The following SCG3 variants were observed in gnomAD, a reference collection of about 807,000 sequenced individuals.
SCG3 encodes secretogranin III, also known as secretogranin-3.
In SCG3, 38 loss-of-function variants were observed where a neutral mutation model predicts 56.2. The observed-to-expected ratio is 0.68, with a 90% CI of 0.52 to 0.89. The LOEUF is 0.89. Ranked by LOEUF, SCG3 falls within the 40% of genes least tolerant of loss-of-function variation. The pLI, the probability that SCG3 is intolerant of heterozygous loss-of-function variation, is 0.00. For synonymous variants in SCG3, 176 were observed against 184.2 expected, an observed-to-expected ratio of 0.96 and a Z score of 0.36; for missense variants, 524 against 540.7, an observed-to-expected ratio of 0.97 and a Z score of 0.31.
At chr15:51,695,206 C>T (rs897326318) in intron 7 of SCG3, among the ~76,000 whole-genome samples, 16 of 152,198 alleles carry the variant, frequency 1.1e-4, no homozygotes, top group African/African-American at 3.1e-4. Flanking sequence ...TTAAAAGTAA[C>T]ATCTTGTTCA....
At chr15:51,698,126 A>T (rs1262821549) in intron 8 of SCG3, among the ~76,000 whole-genome samples, 1 of 152,236 alleles carries the variant, frequency 6.6e-6, no homozygotes, top group Non-Finnish European at 1.5e-5. Flanking sequence ...GAATATATTA[A>T]TTATCTTCTT....
chr15:51,697,132 C>CTGTGTGTGTGTGTG (rs3078107), intron 8 of SCG3, among the ~76,000 whole-genome samples: 2,563 of 145,952 alleles, frequency 0.018, 40 homozygotes, highest in African/African-American at 0.032. Flanking sequence ...AGATGTTATT[C>CTGTGTGTGTGTGTG]TGTGTGTGTG....
Position 51,713,378 on chromosome 15 carries a change from G to T in SCG3, c.1253G>T (p.Trp418Leu). The T allele has an allele frequency of 6.2e-7, 1 of 1,606,278 alleles. No homozygotes were observed. The highest frequency in any genetic ancestry group is 1.1e-5 in the South Asian group (1 of 89,382). The change falls in exon 11 of 12, where the codon TGG becomes TTG. Residue 418 changes from tryptophan to leucine, a missense_variant. Coordinates refer to ENST00000220478, the MANE Select transcript of SCG3 (RefSeq NM_013243.4). ...YLEAIRKNIEWLKKHDKKGNK... is the reference protein window; with the variant it reads ...YLEAIRKNIELLKKHDKKGNK... ...GAAGCCATCAGAAAAAATATTGAAT[G>T]GTTGAAGAAACATGACAAAAAGGGA...
At chr15:51,701,893 C>T (rs1000912246) in intron 10 of SCG3, among the ~76,000 whole-genome samples, 13 of 152,048 alleles carry the variant, frequency 8.5e-5, no homozygotes, top group African/African-American at 2.4e-5. Flanking sequence ...AATGAAAACA[C>T]TTGGACACAG....
intron 10 of SCG3, among the ~76,000 whole-genome samples, chr15:51,704,236 C>CATATATATATAT (rs1338699360): frequency 5.5e-5 from 3 of 54,306 alleles, no homozygotes; most frequent in African/African-American, 1.1e-4. Context: ...TGTATACATA[C>CATATATATATAT]ATACATACAT....
At chr15:51,682,419 C>T in intron 1 of SCG3, 98 bp from the exon 2 acceptor site, 1 of 588,326 alleles carries the variant, frequency 1.7e-6, no homozygotes, top group Non-Finnish European at 3.0e-6. Context: ...AATTATTTCT[C>T]CTAATATTTT....
At chr15:51,714,166 G>A (rs1595842062) in intron 11 of SCG3, among the ~76,000 whole-genome samples, 1 of 152,196 alleles carries the variant, frequency 6.6e-6, no homozygotes, top group African/African-American at 2.4e-5. Context: ...AACAGTGGAT[G>A]TTTGTGGAGA....
intron 10 of SCG3, among the ~76,000 whole-genome samples, chr15:51,704,768 T>C (rs113419795): frequency 1.3e-4 from 10 of 79,532 alleles, no homozygotes; most frequent in Admixed American, 2.9e-4. Flanking sequence ...GTAATACATA[T>C]ATATATATAT....
chr15:51,694,132 T>C (rs932634536), intron 7 of SCG3, among the ~76,000 whole-genome samples: 1 of 151,758 alleles, frequency 6.6e-6, no homozygotes, highest in East Asian at 1.9e-4. Context: ...ATTGTCTTTA[T>C]TTTTCCATAA....
chr15:51,696,003 T>G lies in SCG3; in HGVS notation c.985+12T>G. The G allele has an allele frequency of 1.4e-6, 2 of 1,451,180 alleles. No individual in the cohort carries two copies. The highest frequency in any genetic ancestry group is 1.9e-6 in the Non-Finnish European group (2 of 1,032,954). 89.9% of individuals were successfully genotyped at this position (1,451,180 alleles called of 1,614,324 possible). A position where few individuals can be genotyped will look rare whatever the true frequency, so the allele number is the denominator to read the frequency against. On this transcript the variant is annotated intron_variant, in intron 8 of 11. Coordinates refer to ENST00000220478, the MANE Select transcript of SCG3 (RefSeq NM_013243.4). Reference sequence around the variant, plus strand: ...TGTTTCCTACCTTGGTGAGATTCTATGTGTTTTGTTTCTACTGTGGTGGTT... The same window carrying G: ...TGTTTCCTACCTTGGTGAGATTCTAGGTGTTTTGTTTCTACTGTGGTGGTT...
At chr15:51,716,536 G>A (rs1455378381) in intron 11 of SCG3, among the ~76,000 whole-genome samples, 1 of 152,182 alleles carries the variant, frequency 6.6e-6, no homozygotes, top group African/African-American at 2.4e-5. Context: ...ACCACTACCT[G>A]AGCAAGTAAC....
Position 51,683,289 on chromosome 15 carries a change from G to A in SCG3, c.252G>A (p.Lys84=). 6.2e-7 allele frequency: 1 copy of A among 1,613,702 alleles called. No homozygotes were observed. Among genetic ancestry groups the A allele is most frequent in the Non-Finnish European group, 8.5e-7 (1 of 1,179,802 alleles). The change falls in exon 4 of 12, where the codon AAG becomes AAA. Residue 84 remains lysine, a synonymous_variant. Transcript: ENST00000220478. ...ACCTGCTAAAGGCAATAACAGAAAAGGAAAAAATTGAGAAAGAAAGACAAT... is the reference window on the plus strand; with the variant it reads ...ACCTGCTAAAGGCAATAACAGAAAAAGAAAAAATTGAGAAAGAAAGACAAT... ...NLNLLKAITE[K]EKIEKERQSI... is the part of the protein sequence containing the mutation.
Position 51,719,662 on chromosome 15 carries a change from T to A in SCG3, c.*136T>A. On this transcript the variant is annotated 3_prime_UTR_variant, in exon 12 of 12. Coordinates refer to ENST00000220478, the MANE Select transcript of SCG3 (RefSeq NM_013243.4). The stretch of plus-strand genomic sequence containing the variant: ...GCTGAATTTACAGTAGTTAACCTTT[T>A]ACAAGTGGTTAAAACATAGCTTTCT... 1 of 598,578 alleles carries A rather than the reference T, an allele frequency of 1.7e-6. No homozygotes were observed. Among genetic ancestry groups the A allele is most frequent in the South Asian group, 2.2e-5 (1 of 44,820 alleles). 37.1% of individuals were successfully genotyped at this position (598,578 alleles called of 1,614,324 possible).
At chr15:51,714,895 C>T (rs1312167337) in intron 11 of SCG3, among the ~76,000 whole-genome samples, 4 of 152,298 alleles carry the variant, frequency 2.6e-5, no homozygotes, top group African/African-American at 9.6e-5. Flanking sequence ...CATATTTCAT[C>T]GAATCTGTCA....
chr15:51,688,468 T>C, intron 5 of SCG3, 66 bp downstream of exon 5: 1 of 1,484,228 alleles, frequency 6.7e-7, no homozygotes, highest in Non-Finnish European at 9.2e-7. Flanking sequence ...AGAAGCCAAG[T>C]CACTTGCCTC....
At chr15:51,692,799 T>C (rs2055276148) in intron 7 of SCG3, among the ~76,000 whole-genome samples, 1 of 152,230 alleles carries the variant, frequency 6.6e-6, no homozygotes, top group African/African-American at 2.4e-5. Context: ...CATTTATACA[T>C]TGTGAAATGA....
intron 8 of SCG3, among the ~76,000 whole-genome samples, chr15:51,696,979 T>C (rs1035403451): frequency 2.0e-5 from 3 of 152,196 alleles, no homozygotes; most frequent in Non-Finnish European, 4.4e-5. Flanking sequence ...TTTTTCTAAA[T>C]GAAAGTAGTT....
chr15:51,690,524 C>CT lies in SCG3; in HGVS notation c.690+1168dup, dbSNP rs899128471. On this transcript the variant is annotated intron_variant, in intron 6 of 11. Transcript: ENST00000220478. ...GAAAATAGAAATTGGGTCTGGATTT[C>CT]TTTTTTTTTTTTACTGGATAGCCTA... Among the ~76,000 whole-genome samples, 326 of 143,952 alleles carry CT rather than the reference C, an allele frequency of 2.3e-3. 6 individuals are homozygous for CT. In the South Asian group the frequency reaches 0.031, roughly 14 times the overall value. 94.4% of individuals were successfully genotyped at this position (143,952 alleles called of 152,430 possible).
chr15:51,702,083 T>TA lies in SCG3; in HGVS notation c.1207+847dup, dbSNP rs145049638. ...ATGTACCCTAGAACTTAAAGTATAA[T>TA]AAAAAAAATTTGAATTTAACAAAGC... is the stretch of plus-strand genomic sequence containing the variant. On this transcript the variant is annotated intron_variant, in intron 10 of 11. Coordinates refer to ENST00000220478, the MANE Select transcript of SCG3 (RefSeq NM_013243.4). Among the ~76,000 whole-genome samples, 145 of 152,092 alleles carry TA rather than the reference T, an allele frequency of 9.5e-4. 3 individuals carry two copies. In the East Asian group the frequency reaches 0.026, roughly 28 times the overall value.
Sources: gnomAD v4.1 joint callset for allele counts (sites outside exome capture counted in the v4.1 genomes callset) on GRCh38, gnomAD v4.1.1 for gene constraint, MANE v1.5 for transcripts, NCBI Gene and HGNC (gene_info 2026-07-23, HGNC 2026-07-21) for gene names.